SPTBN1: variants seen among roughly 807,000 people sequenced by gnomAD.
SPTBN1 encodes spectrin beta, non-erythrocytic 1.
A neutral mutation model predicts 266.4 loss-of-function variants in SPTBN1; 32 were observed. The observed-to-expected ratio is 0.12, with a 90% confidence interval of 0.09 to 0.16. The LOEUF (loss-of-function observed/expected upper bound fraction) is 0.16, where lower values mean the gene tolerates loss of function less well. Among genes scored for constraint, SPTBN1 ranks in the 10% least tolerant of loss-of-function variants. SPTBN1 has a pLI of 1.00. For synonymous variants in SPTBN1, 1,336 were observed against 1,162.2 expected, an observed-to-expected ratio of 1.15 and a Z score of -3.04; for missense variants, 2,296 against 3,067.1, an observed-to-expected ratio of 0.75 and a Z score of 5.94.
At chr2:54,627,953 A>G (rs1397030054) in intron 12 of SPTBN1, 144 bp from the exon 13 acceptor site, 14 of 893,728 alleles carry the variant, frequency 1.6e-5, no homozygotes, top group South Asian at 2.2e-5. Flanking sequence ...GTTGGCCATC[A>G]TCTTCCCCTG....
At chr2:54,461,072 A>G (rs1163444111) in intron 1 of SPTBN1, among the ~76,000 whole-genome samples, 1 of 152,180 alleles carries the variant, frequency 6.6e-6, no homozygotes, top group African/African-American at 2.4e-5. Context: ...AGCCTTATAC[A>G]TTCAGAGCCC....
At chr2:54,565,149 C>T (rs1367911308) in intron 2 of SPTBN1, among the ~76,000 whole-genome samples, 1 of 152,158 alleles carries the variant, frequency 6.6e-6, no homozygotes, top group Non-Finnish European at 1.5e-5. Flanking sequence ...AGCTACTCTG[C>T]CAGGTGGTTC....
At chr2:54,471,852 C>T (rs1026080451) in intron 1 of SPTBN1, among the ~76,000 whole-genome samples, 1 of 120,710 alleles carries the variant, frequency 8.3e-6, no homozygotes, top group African/African-American at 3.3e-5. Context: ...ATCTTATGAG[C>T]ATATGAAGAA....
intron 1 of SPTBN1, among the ~76,000 whole-genome samples, chr2:54,465,115 C>T (rs1452113144): frequency 1.3e-5 from 2 of 152,054 alleles, no homozygotes; most frequent in Non-Finnish European, 2.9e-5. Context: ...GTTTTAAATC[C>T]AGCGATTGTT....
rs1679870436 is a variant in SPTBN1, at chr2:54,645,579, A to AGG, written c.4494+126_4494+127insGG. On this transcript the variant is annotated intron_variant, in intron 21 of 35. Transcript: ENST00000356805. This position sits in a 1 kb window ranked among gnomAD's most constrained non-coding sequence, Gnocchi z 4.3. ...TTGGCAAGCTGAGCTGCCAAAGTCCACGCTCTGGATGGTCTAAAGTTTCTT... is the reference window on the plus strand; with the variant it reads ...TTGGCAAGCTGAGCTGCCAAAGTCCAGGCGCTCTGGATGGTCTAAAGTTTCTT... 1.0e-6 allele frequency: 1 copy of AGG among 960,032 alleles called. No homozygotes were observed. The highest frequency in any genetic ancestry group is 1.6e-5 in the African/African-American group (1 of 61,172). The allele number at this position is 960,032 out of a possible 1,614,324, so 59.5% of individuals were successfully genotyped here.
At chr2:54,589,545 C>T (rs149076626) in intron 2 of SPTBN1, among the ~76,000 whole-genome samples, 2 of 152,340 alleles carry the variant, frequency 1.3e-5, no homozygotes, top group African/African-American at 4.8e-5. Flanking sequence ...TGCATATTTG[C>T]TTCACATGCA....
chr2:54,521,638 C>T (rs1670445996), intron 1 of SPTBN1, among the ~76,000 whole-genome samples: 1 of 152,106 alleles, frequency 6.6e-6, no homozygotes, highest in South Asian at 2.1e-4. Flanking sequence ...CTCAGCCTCC[C>T]AAGTAGCTGG....
intron 1 of SPTBN1, among the ~76,000 whole-genome samples, chr2:54,474,497 A>G (rs1485353445): frequency 6.6e-6 from 1 of 152,192 alleles, no homozygotes; most frequent in Non-Finnish European, 1.5e-5. Context: ...TAATCATAGT[A>G]CAGACCATAT....
At position 54,554,960 on chromosome 2, in the gene SPTBN1, T is replaced by TA. The variant is rs1672779117; in HGVS notation, c.148+28396dup. Among the ~76,000 whole-genome samples, 1 of 152,238 alleles carries TA rather than the reference T, an allele frequency of 6.6e-6. No individual in the cohort carries two copies. The highest frequency in any genetic ancestry group is 2.1e-4 in the South Asian group (1 of 4,832). ...TTTCTCGTTATTTTCTAACTCCCTGTAACCCAGCTTTTGCTTTTATTAACC... is the reference window on the plus strand; with the variant it reads ...TTTCTCGTTATTTTCTAACTCCCTGTAAACCCAGCTTTTGCTTTTATTAACC... On this transcript the variant is annotated intron_variant, in intron 2 of 35. Transcript: ENST00000356805. This position sits in a 1 kb window ranked among gnomAD's most constrained non-coding sequence, Gnocchi z 4.5.
chr2:54,518,595 A>T (rs1022235085), intron 1 of SPTBN1, among the ~76,000 whole-genome samples: 1 of 152,218 alleles, frequency 6.6e-6, no homozygotes, highest in African/African-American at 2.4e-5. Flanking sequence ...CTTTTTAAAG[A>T]TAGCATACCA....
At chr2:54,547,266 C>T (rs1369348134) in intron 2 of SPTBN1, among the ~76,000 whole-genome samples, 1 of 152,178 alleles carries the variant, frequency 6.6e-6, no homozygotes, top group East Asian at 1.9e-4. Flanking sequence ...ATGATGTCCT[C>T]AAGCTTCATC....
chr2:54,494,749 C>A (rs1386436732), intron 1 of SPTBN1, among the ~76,000 whole-genome samples: 1 of 152,002 alleles, frequency 6.6e-6, no homozygotes, highest in African/African-American at 2.4e-5. Flanking sequence ...TGAGGATGGG[C>A]CAGGAGGCAT....
At chr2:54,488,933 A>G (rs1048809117) in intron 1 of SPTBN1, among the ~76,000 whole-genome samples, 1 of 152,162 alleles carries the variant, frequency 6.6e-6, no homozygotes, top group Non-Finnish European at 1.5e-5. Context: ...CTAAAATAAC[A>G]ATTTAATTTT....
chr2:54,457,022 C>G (rs1216229983), intron 1 of SPTBN1, among the ~76,000 whole-genome samples: 1 of 151,742 alleles, frequency 6.6e-6, no homozygotes, highest in Non-Finnish European at 1.5e-5. Context: ...CAGGGCCGGG[C>G]TCTGCGCGTA....
intron 17 of SPTBN1, among the ~76,000 whole-genome samples, chr2:54,635,678 G>A (rs1268517210): frequency 6.6e-6 from 1 of 152,222 alleles, no homozygotes; most frequent in Admixed American, 6.5e-5. Context: ...CAGTATCTGG[G>A]ATTCTTCCCT....
chr2:54,560,473 G>A (rs1179386439), intron 2 of SPTBN1, among the ~76,000 whole-genome samples: 1 of 152,150 alleles, frequency 6.6e-6, no homozygotes, highest in African/African-American at 2.4e-5. Flanking sequence ...GCTGAGGAAG[G>A]TTTTAAAACT....
intron 3 of SPTBN1, among the ~76,000 whole-genome samples, chr2:54,609,909 A>G (rs760815494): frequency 2.0e-5 from 3 of 152,182 alleles, no homozygotes; most frequent in Non-Finnish European, 2.9e-5. Context: ...CAGCCTTATG[A>G]ATAAGGGCAG....
Position 54,622,667 on chromosome 2 carries a change from G to C in SPTBN1, c.1064+180G>C, listed in dbSNP as rs538088571. Among the ~76,000 whole-genome samples, 7 of 152,190 alleles carry C rather than the reference G, an allele frequency of 4.6e-5. No homozygotes were observed. The South Asian group carries it at 1.2e-3, about 27-fold the overall frequency. ...ATTTATGATAGATCATGCTCTCTCT[G>C]AGCCCTTCCCAATATAAATGTGCCA... On this transcript the variant is annotated intron_variant, in intron 9 of 35. Coordinates refer to ENST00000356805, the MANE Select transcript of SPTBN1 (RefSeq NM_003128.3).
At chr2:54,549,289 CAAAAAAAAA>C (rs35199228) in intron 2 of SPTBN1, among the ~76,000 whole-genome samples, 2 of 108,772 alleles carry the variant, frequency 1.8e-5, no homozygotes, top group South Asian at 6.1e-4. Context: ...AACTCTGTCT[CAAAAAAAAA>C]AAAAAAAAAA....
Sources: allele counts gnomAD v4.1 joint callset (sites outside exome capture counted in the v4.1 genomes callset), GRCh38; gene constraint gnomAD v4.1.1; non-coding constraint Gnocchi (gnomAD v3.1); transcripts MANE v1.5; gene names NCBI Gene and HGNC (gene_info 2026-07-23, HGNC 2026-07-21).